The following EPHA8 variants were observed in gnomAD, a reference collection of about 807,000 sequenced individuals.
EPHA8 encodes the protein EPH receptor A8.
In EPHA8, 58 loss-of-function variants were observed where a neutral mutation model predicts 103.6. The observed-to-expected ratio is 0.56, with a 90% CI of 0.45 to 0.70. The LOEUF (loss-of-function observed/expected upper bound fraction) is 0.70, where lower values mean the gene tolerates loss of function less well. Ranked by LOEUF, EPHA8 falls within the 30% of genes least tolerant of loss-of-function variation. The probability of loss-of-function intolerance (pLI) is 0.00; values close to 1 mark genes in which losing one functional copy is unlikely to be tolerated. For synonymous variants in EPHA8, 559 were observed against 572.5 expected (o/e 0.98, Z 0.34); for missense variants, 1,304 against 1,395.2 (o/e 0.93, Z 1.04).
Position 22,589,669 on chromosome 1 carries a change from G to T in EPHA8, c.1315+463G>T. The T allele has an allele frequency of 1.7e-6, 2 of 1,147,966 alleles. No individual in the cohort carries two copies. The highest frequency in any genetic ancestry group is 2.1e-6 in the Non-Finnish European group (2 of 935,358). The allele number at this position is 1,147,966 out of a possible 1,614,324, so 71.1% of individuals were successfully genotyped here. A position where few individuals can be genotyped will look rare whatever the true frequency, so the allele number is the denominator to read the frequency against. On this transcript the variant is annotated intron_variant, in intron 5 of 16. Transcript: ENST00000166244. This position sits in a 1 kb window ranked among gnomAD's most constrained non-coding sequence, Gnocchi z 4.3. ...GAACAGCTGCTACAGCTGCCCTTGGGATAGACTTGGCTGCACTGGCTTGGA... is the reference window on the plus strand; with the variant it reads ...GAACAGCTGCTACAGCTGCCCTTGGTATAGACTTGGCTGCACTGGCTTGGA...
intron 3 of EPHA8, among the ~76,000 whole-genome samples, chr1:22,579,069 G>A (rs1023169387): frequency 6.6e-6 from 1 of 150,422 alleles, no homozygotes; most frequent in Non-Finnish European, 1.5e-5. Flanking sequence ...ATGTATGCAT[G>A]TGTGTGCATG....
chr1:22,595,300 G>T lies in EPHA8; in HGVS notation c.1674G>T (p.Leu558=), dbSNP rs2148262640. Residue 558 remains leucine (L), a synonymous_variant, in exon 8 of 17, where the codon CTG becomes CTT. Transcript: ENST00000166244. ...LTLITGLVVL[L]LLLICKKRHC... is the part of the protein sequence containing the mutation. ...TCATCACGGGCCTGGTGGTGCTTCTGCTCCTGCTCATCTGCAAGAAGAGGT... is the reference window on the plus strand; with the variant it reads ...TCATCACGGGCCTGGTGGTGCTTCTTCTCCTGCTCATCTGCAAGAAGAGGT... 6.2e-7 allele frequency: 1 copy of T among 1,613,684 alleles called. No homozygotes were observed. The highest frequency in any genetic ancestry group is 1.7e-4 in the Middle Eastern group (1 of 6,058).
chr1:22,576,116 C>CT lies in EPHA8; in HGVS notation c.160-92dup, dbSNP rs969781460. ...GCCACCAGGAGGCCAGCTCCTTTGTCTTTTTTTTTGCCAGCGTCCCCAGCA... is the reference window on the plus strand; with the variant it reads ...GCCACCAGGAGGCCAGCTCCTTTGTCTTTTTTTTTTGCCAGCGTCCCCAGCA... On this transcript the variant is annotated intron_variant, in intron 2 of 16. Transcript: ENST00000166244. This position sits in a 1 kb window ranked among gnomAD's most constrained non-coding sequence, Gnocchi z 4.8. 5.8e-4 allele frequency: 792 copies of CT among 1,362,260 alleles called. No individual in the cohort carries two copies. Among genetic ancestry groups the CT allele is most frequent in the Admixed American group, 1.0e-3 (44 of 42,932 alleles). The allele number at this position is 1,362,260 out of a possible 1,614,324, so 84.4% of individuals were successfully genotyped here.
chr1:22,600,972 G>A lies in EPHA8; in HGVS notation c.2613G>A (p.Met871Ile), dbSNP rs1282486492. ...GCCCCCACGCCCTGCACCAGCTCATGCTCGACTGTTGGCACAAGGACCGGG... is the reference window on the plus strand; with the variant it reads ...GCCCCCACGCCCTGCACCAGCTCATACTCGACTGTTGGCACAAGGACCGGG... ...MGCPHALHQL[M>I]LDCWHKDRAQ... Residue 871 changes from methionine (M) to isoleucine (I), a missense_variant, in exon 15 of 17, where the codon ATG becomes ATA. Physicochemically the swap from Met to Ile is conservative, Grantham distance 10. Coordinates refer to ENST00000166244, the MANE Select transcript of EPHA8 (RefSeq NM_020526.5). The A allele has an allele frequency of 1.2e-6, 2 of 1,612,942 alleles. No individual in the cohort carries two copies. Among genetic ancestry groups the A allele is most frequent in the Admixed American group, 3.3e-5 (2 of 59,988 alleles).
intron 4 of EPHA8, among the ~76,000 whole-genome samples, chr1:22,587,343 C>T (rs1372905148): frequency 1.3e-5 from 2 of 152,198 alleles, no homozygotes; most frequent in Non-Finnish European, 2.9e-5. Context: ...GAAGGGGACT[C>T]AGAAGTCCTT....
chr1:22,594,899 T>C (rs1231289302), intron 7 of EPHA8, among the ~76,000 whole-genome samples: 1 of 152,212 alleles, frequency 6.6e-6, no homozygotes, highest in African/African-American at 2.4e-5. Context: ...GCACACTCCG[T>C]GTTGTCACTG....
chr1:22,598,011 G>A lies in EPHA8; in HGVS notation c.2117-140G>A, dbSNP rs1641571820. ...GAATGACTCGGGGTGCCCAGAGCCT[G>A]GGACCCCAGTGGAAACCCAAGGCAC... On this transcript the variant is annotated intron_variant, in intron 11 of 16. Transcript: ENST00000166244. This position sits in a 1 kb window ranked among gnomAD's most constrained non-coding sequence, Gnocchi z 5.1. 4 of 1,425,376 alleles carry A rather than the reference G, an allele frequency of 2.8e-6. No homozygotes were observed. Among genetic ancestry groups the A allele is most frequent in the Non-Finnish European group, 3.9e-6 (4 of 1,024,146 alleles). The allele number at this position is 1,425,376 out of a possible 1,614,324, so 88.3% of individuals were successfully genotyped here.
intron 3 of EPHA8, among the ~76,000 whole-genome samples, chr1:22,578,843 A>C (rs1473155242): frequency 6.9e-6 from 1 of 144,282 alleles, no homozygotes; most frequent in African/African-American, 2.6e-5. Context: ...GTGTATATGC[A>C]TGTGTGCATG....
chr1:22,579,094 TGC>T (rs374193589), intron 3 of EPHA8, among the ~76,000 whole-genome samples: 11,450 of 134,242 alleles, frequency 0.085, 508 homozygotes, highest in Non-Finnish European at 0.1. Flanking sequence ...CGTGCATGTG[TGC>T]ATGTGTATGT....
intron 3 of EPHA8, among the ~76,000 whole-genome samples, chr1:22,585,832 G>A (rs567051726): frequency 4.1e-4 from 62 of 152,296 alleles, no homozygotes; most frequent in Admixed American, 4.1e-3. Context: ...TCCCATGGGG[G>A]CTTGTAAAAC....
chr1:22,589,503 A>G lies in EPHA8; in HGVS notation c.1315+297A>G, dbSNP rs866026924. On this transcript the variant is annotated intron_variant, in intron 5 of 16. Coordinates refer to ENST00000166244, the MANE Select transcript of EPHA8 (RefSeq NM_020526.5). The surrounding 1 kb of genome is among the most constrained non-coding windows in gnomAD (Gnocchi z 4.3). ...GTGCCTCAGTTTCCTCCCTGGTGCA[A>G]TGGGAATAATAGTACCTGCCTGAGG... is the stretch of plus-strand genomic sequence containing the variant. 1.4e-6 allele frequency: 2 copies of G among 1,437,508 alleles called. No individual in the cohort carries two copies. Among genetic ancestry groups the G allele is most frequent in the South Asian group, 1.6e-5 (1 of 62,992 alleles). 89.0% of individuals were successfully genotyped at this position (1,437,508 alleles called of 1,614,324 possible).
chr1:22,578,138 G>GTA (rs1640813821), intron 3 of EPHA8, among the ~76,000 whole-genome samples: 15 of 105,506 alleles, frequency 1.4e-4, no homozygotes, highest in African/African-American at 5.7e-4. Flanking sequence ...ATGTGTGCAT[G>GTA]TGTGTATGTG....
chr1:22,579,729 G>A (rs889939749), intron 3 of EPHA8, among the ~76,000 whole-genome samples: 4 of 152,288 alleles, frequency 2.6e-5, no homozygotes, highest in Non-Finnish European at 5.9e-5. Context: ...CCTGGACAGA[G>A]GAGGTGAAAG....
chr1:22,598,236 T>C lies in EPHA8; in HGVS notation c.2178+24T>C, dbSNP rs2148266823. 1 of 1,609,654 alleles carries C rather than the reference T, an allele frequency of 6.2e-7. No individual in the cohort carries two copies. The highest frequency in any genetic ancestry group is 1.1e-5 in the South Asian group (1 of 90,862). On this transcript the variant is annotated intron_variant, in intron 12 of 16. Transcript: ENST00000166244. This position sits in a 1 kb window ranked among gnomAD's most constrained non-coding sequence, Gnocchi z 5.1. ...GGGTGCGTGTCCCACCCCTGCCTCT[T>C]GCATGGGCTTGGGGAGGGAGGTCCA...
chr1:22,594,775 G>A (rs761329463), intron 7 of EPHA8, among the ~76,000 whole-genome samples: 7 of 152,200 alleles, frequency 4.6e-5, no homozygotes, highest in Non-Finnish European at 8.8e-5. Context: ...GTGGCCTCAA[G>A]TCAATTCCTC....
At chr1:22,583,181 G>A (rs1336128923) in intron 3 of EPHA8, among the ~76,000 whole-genome samples, 1 of 152,246 alleles carries the variant, frequency 6.6e-6, no homozygotes, top group Non-Finnish European at 1.5e-5. Flanking sequence ...GGCTCCGGAA[G>A]CACCCTGGGT....
At chr1:22,587,282 A>G (rs1367628731) in intron 4 of EPHA8, among the ~76,000 whole-genome samples, 1 of 152,224 alleles carries the variant, frequency 6.6e-6, no homozygotes, top group Non-Finnish European at 1.5e-5. Flanking sequence ...TTCGTCACAT[A>G]TATTAAGGAT....
chr1:22,599,583 A>C (rs995662425), intron 13 of EPHA8, among the ~76,000 whole-genome samples: 1 of 146,672 alleles, frequency 6.8e-6, no homozygotes, highest in Admixed American at 6.8e-5. Flanking sequence ...GAAGGAAGGA[A>C]AGGAAGGAGG....
chr1:22,577,932 TGA>T (rs773505410), intron 3 of EPHA8, among the ~76,000 whole-genome samples: 10 of 107,594 alleles, frequency 9.3e-5, no homozygotes, highest in Non-Finnish European at 1.7e-4. Context: ...TATGTGTGCG[TGA>T]GTGTATGTGT....
Sources: gnomAD v4.1 joint callset for allele counts (sites outside exome capture counted in the v4.1 genomes callset) on GRCh38, gnomAD v4.1.1 for gene constraint, Gnocchi (gnomAD v3.1) non-coding constraint, MANE v1.5 for transcripts, NCBI Gene and HGNC (gene_info 2026-07-23, HGNC 2026-07-21) for gene names.